TEX264: variants seen among roughly 807,000 people sequenced by gnomAD.
TEX264 encodes testis expressed 264, ER-phagy receptor.
TEX264 carries 13 observed loss-of-function variants against 23.4 expected under a neutral mutation model. The observed-to-expected ratio is 0.56, with a 90% CI of 0.36 to 0.88. The LOEUF is 0.88. TEX264 is among the 40% of genes least tolerant of loss of function. The probability of loss-of-function intolerance (pLI) is 0.01; values close to 1 mark genes in which losing one functional copy is unlikely to be tolerated. For missense variants in TEX264, 340 were observed against 406.8 expected (o/e 0.84, Z 1.41); for synonymous variants, 159 against 170.0 (o/e 0.94, Z 0.50).
chr3:51,700,029 C>T (rs1438216293), intron 4 of TEX264, among the ~76,000 whole-genome samples: 1 of 152,136 alleles, frequency 6.6e-6, no homozygotes, highest in African/African-American at 2.4e-5. Context: ...CACCCAGAGC[C>T]AGCTGCTTTC....
At chr3:51,690,061 G>A (rs546587382) in intron 3 of TEX264, among the ~76,000 whole-genome samples, 157 of 152,196 alleles carry the variant, frequency 1.0e-3, no homozygotes, top group Non-Finnish European at 1.9e-3. Flanking sequence ...AGCAGTGGCT[G>A]TGAGGAAGCT....
chr3:51,689,752 A>G (rs1415393199), intron 3 of TEX264, among the ~76,000 whole-genome samples: 2 of 152,188 alleles, frequency 1.3e-5, no homozygotes, highest in Non-Finnish European at 2.9e-5. Context: ...CGCCCACTAC[A>G]TGTCTGTTCT....
Position 51,676,462 on chromosome 3 carries a change from C to A in TEX264, c.258+1900C>A, listed in dbSNP as rs1215180195. Among the ~76,000 whole-genome samples the A allele has an allele frequency of 2.0e-5, 3 of 152,182 alleles. No homozygotes were observed. The East Asian group carries it at 5.8e-4, about 29-fold the overall frequency. ...AGCTTTCCCAGAGATGTGGTGGACC[C>A]CATGGGGTGGGCCCTGGGTCTCCAG... On this transcript the variant is annotated intron_variant, in intron 2 of 4. Transcript: ENST00000341333.
At chr3:51,678,113 C>G (rs985012629) in intron 2 of TEX264, among the ~76,000 whole-genome samples, 2 of 152,192 alleles carry the variant, frequency 1.3e-5, no homozygotes, top group Middle Eastern at 3.2e-3. Context: ...CCATACTGCC[C>G]TTGCATGACT....
At chr3:51,699,192 T>G (rs1412208991) in intron 3 of TEX264, among the ~76,000 whole-genome samples, 1 of 152,152 alleles carries the variant, frequency 6.6e-6, no homozygotes, top group African/African-American at 2.4e-5. Flanking sequence ...GTCCTGGGTC[T>G]TCAGACTATT....
chr3:51,689,486 G>A (rs568980940), intron 3 of TEX264, among the ~76,000 whole-genome samples: 1 of 150,424 alleles, frequency 6.6e-6, no homozygotes, highest in Non-Finnish European at 1.5e-5. Context: ...AGGAAGTAAA[G>A]TAAGAAAGTA....
chr3:51,674,846 T>C (rs907120083), intron 2 of TEX264, among the ~76,000 whole-genome samples: 1 of 152,238 alleles, frequency 6.6e-6, no homozygotes, highest in Non-Finnish European at 1.5e-5. Context: ...CCCTGGCTTC[T>C]GCCAGGACTT....
intron 2 of TEX264, among the ~76,000 whole-genome samples, chr3:51,681,117 C>T (rs1239796023): frequency 1.3e-5 from 2 of 152,156 alleles, no homozygotes; most frequent in Non-Finnish European, 2.9e-5. Flanking sequence ...AGTGTTCTTA[C>T]TTGTGGAATT....
chr3:51,701,203 G>A (rs1235642931), intron 4 of TEX264, among the ~76,000 whole-genome samples: 1 of 152,170 alleles, frequency 6.6e-6, no homozygotes, highest in African/African-American at 2.4e-5. Context: ...TGGGGATTTA[G>A]GTAGGGCCCT....
chr3:51,700,574 C>T (rs1330734955), intron 4 of TEX264, among the ~76,000 whole-genome samples: 2 of 152,070 alleles, frequency 1.3e-5, no homozygotes, highest in African/African-American at 4.8e-5. Flanking sequence ...ACTGTGGGCA[C>T]AGGACATGGC....
At chr3:51,674,157 G>A (rs1040220724) in intron 1 of TEX264, 114 bp from the exon 2 acceptor site, 9 of 1,108,562 alleles carry the variant, frequency 8.1e-6, no homozygotes, top group South Asian at 1.5e-5. Context: ...CCCCTTTCTG[G>A]GTCAGAGCAC....
At chr3:51,696,458 C>T (rs904415460) in intron 3 of TEX264, among the ~76,000 whole-genome samples, 3 of 152,226 alleles carry the variant, frequency 2.0e-5, no homozygotes, top group Non-Finnish European at 4.4e-5. Flanking sequence ...CGGGCCATGG[C>T]TCCTACTGTG....
chr3:51,694,261 G>A (rs1171789303), intron 3 of TEX264, among the ~76,000 whole-genome samples: 2 of 152,062 alleles, frequency 1.3e-5, no homozygotes, highest in Non-Finnish European at 1.5e-5. Context: ...CTCCCGGGTA[G>A]CTGGGATTAC....
chr3:51,702,779 T>C (rs1703360961), intron 4 of TEX264, among the ~76,000 whole-genome samples: 1 of 152,210 alleles, frequency 6.6e-6, no homozygotes, highest in Non-Finnish European at 1.5e-5. Flanking sequence ...ATTCAGTGCC[T>C]CTGATCCAGG....
At chr3:51,699,718 A>G in intron 4 of TEX264, 144 bp downstream of exon 4, 1 of 907,466 alleles carries the variant, frequency 1.1e-6, no homozygotes, top group Non-Finnish European at 1.7e-6. Context: ...AAGGAGACCC[A>G]CCTACCTGAG....
chr3:51,698,965 AGAG>A (rs1485748120), intron 3 of TEX264, among the ~76,000 whole-genome samples: 1 of 152,024 alleles, frequency 6.6e-6, no homozygotes, highest in African/African-American at 2.4e-5. Context: ...TCCAGGGTGG[AGAG>A]GAGGTCAGGG....
In TEX264 at chr3:51,697,888, C is replaced by G. The variant is rs144343590; in HGVS notation, c.481-1518C>G. 3.0e-3 allele frequency among the ~76,000 whole-genome samples: 452 copies of G among 152,336 alleles called. 1 individual carries two copies. The highest frequency in any genetic ancestry group is 0.011 in the African/African-American group (438 of 41,580). ...AGATGGAGGAAGCCCCGAGGGCACC[C>G]AGGTTGGCAAAGAAGATTTGACTCC... On this transcript the variant is annotated intron_variant, in intron 3 of 4. Transcript: ENST00000341333.
At chr3:51,676,858 G>A (rs1306676460) in intron 2 of TEX264, among the ~76,000 whole-genome samples, 1 of 152,248 alleles carries the variant, frequency 6.6e-6, no homozygotes, top group Non-Finnish European at 1.5e-5. Context: ...GGGTGGCACA[G>A]AGGATGATGA....
chr3:51,699,989 A>G (rs1309240383), intron 4 of TEX264, among the ~76,000 whole-genome samples: 1 of 152,016 alleles, frequency 6.6e-6, no homozygotes, highest in East Asian at 1.9e-4. Context: ...GAGGGGAGCA[A>G]AGTGTTCTCT....
Sources: gnomAD v4.1 joint callset for allele counts (sites outside exome capture counted in the v4.1 genomes callset) on GRCh38, gnomAD v4.1.1 for gene constraint, MANE v1.5 for transcripts, NCBI Gene and HGNC (gene_info 2026-07-23, HGNC 2026-07-21) for gene names.